SBF2: variants seen among roughly 807,000 people sequenced by gnomAD.
SBF2 encodes SET binding factor 2.
A neutral mutation model predicts 225.2 loss-of-function variants in SBF2; 112 were observed. That is an observed-to-expected ratio of 0.50 (90% CI 0.43 to 0.58). The LOEUF is 0.58. Among genes scored for constraint, SBF2 ranks in the 20% least tolerant of loss-of-function variants. SBF2 has a pLI of 0.00. For missense variants in SBF2, 1,996 were observed against 2,206.2 expected (o/e 0.90, Z 1.91); for synonymous variants, 763 against 773.3 (o/e 0.99, Z 0.22).
intron 16 of SBF2, among the ~76,000 whole-genome samples, chr11:9,942,076 T>C (rs1335346244): frequency 2.6e-5 from 4 of 152,168 alleles, no homozygotes; most frequent in Admixed American, 2.6e-4. Flanking sequence ...AGAAAAATCA[T>C]ACATGTATTT....
At chr11:9,829,671 G>C (rs934357039) in intron 27 of SBF2, 175 bp from the exon 28 acceptor site, 1 of 606,372 alleles carries the variant, frequency 1.6e-6, no homozygotes, top group South Asian at 1.9e-5. Flanking sequence ...CTATTAAATG[G>C]CTAATCCTCC....
intron 2 of SBF2, among the ~76,000 whole-genome samples, chr11:10,174,028 G>C (rs1317930087): frequency 1.3e-5 from 2 of 151,534 alleles, no homozygotes; most frequent in Admixed American, 6.6e-5. Flanking sequence ...CATCATCAAA[G>C]ACCAAAAGTA....
intron 17 of SBF2, among the ~76,000 whole-genome samples, chr11:9,882,139 C>A (rs1000637986): frequency 6.6e-6 from 1 of 152,146 alleles, no homozygotes; most frequent in African/African-American, 2.4e-5. Flanking sequence ...CAGACCAATA[C>A]AAATGTCACC....
chr11:9,976,933 C>T (rs997512069), intron 13 of SBF2, among the ~76,000 whole-genome samples: 1 of 151,930 alleles, frequency 6.6e-6, no homozygotes, highest in Non-Finnish European at 1.5e-5. Context: ...CCATGCCCAG[C>T]TAATTTTTTT....
chr11:10,298,486 G>A (rs1029171094), upstream of SBF2, among the ~76,000 whole-genome samples: 16 of 152,234 alleles, frequency 1.1e-4, no homozygotes, highest in African/African-American at 3.1e-4. Flanking sequence ...GGGCTATTGC[G>A]GAGTAAGTGG....
At chr11:10,256,944 T>C (rs1487045435) in intron 1 of SBF2, among the ~76,000 whole-genome samples, 1 of 152,232 alleles carries the variant, frequency 6.6e-6, no homozygotes, top group East Asian at 1.9e-4. Flanking sequence ...AATTATTTAT[T>C]ATAGAAGAAT....
chr11:9,828,404 G>A (rs1855189496), intron 28 of SBF2: 1 of 985,396 alleles, frequency 1.0e-6, no homozygotes, highest in Non-Finnish European at 1.2e-6. Flanking sequence ...ACACACATTT[G>A]CAAGATTATA....
chr11:9,787,019 CT>C (rs1164189804), intron 36 of SBF2, among the ~76,000 whole-genome samples: 1 of 152,120 alleles, frequency 6.6e-6, no homozygotes, highest in Non-Finnish European at 1.5e-5. Flanking sequence ...CCTCAGCCTC[CT>C]GAGTAGCTGG....
At chr11:10,155,970 G>A (rs1955456613) in intron 2 of SBF2, among the ~76,000 whole-genome samples, 2 of 152,194 alleles carry the variant, frequency 1.3e-5, no homozygotes, top group African/African-American at 2.4e-5. Flanking sequence ...AGAGCCCACG[G>A]GGGTGGGACA....
In SBF2 at chr11:10,193,929, A is replaced by G; in HGVS notation, c.114T>C (p.Asp38=). The G allele has an allele frequency of 6.2e-7, 1 of 1,612,476 alleles. No individual in the cohort carries two copies. The highest frequency in any genetic ancestry group is 8.5e-7 in the Non-Finnish European group (1 of 1,178,580). The change falls in exon 2 of 40, where the codon GAT becomes GAC. Residue 38 remains aspartate, a synonymous_variant. Transcript: ENST00000256190. Reference sequence around the variant, plus strand: ...ACTCAATTCCCTGTGGAAAAGGTGTATCATCCCAGTCCTTCTGTGGAAATC... The same window carrying G: ...ACTCAATTCCCTGTGGAAAAGGTGTGTCATCCCAGTCCTTCTGTGGAAATC... The part of the protein sequence containing the change: ...IQRFPQKDWD[D]TPFPQGIELF...
At chr11:9,864,799 T>G (rs1192528525) in intron 17 of SBF2, among the ~76,000 whole-genome samples, 1 of 152,224 alleles carries the variant, frequency 6.6e-6, no homozygotes, top group Non-Finnish European at 1.5e-5. Context: ...GTCCAGAAAT[T>G]GGTAGACATC....
chr11:9,788,586 T>A (rs1852522403), intron 35 of SBF2, among the ~76,000 whole-genome samples: 1 of 114,252 alleles, frequency 8.8e-6, no homozygotes, highest in South Asian at 2.8e-4. Context: ...CGCTGGAAAA[T>A]CACTTTTTTT....
chr11:10,304,033 G>A (rs925893423), intron 1 of SBF2, among the ~76,000 whole-genome samples: 1 of 152,156 alleles, frequency 6.6e-6, no homozygotes, highest in Non-Finnish European at 1.5e-5. Flanking sequence ...GCCGAGTAGG[G>A]ACTCTGCTGC....
At chr11:10,077,385 C>A (rs1951162265) in intron 2 of SBF2, among the ~76,000 whole-genome samples, 1 of 152,118 alleles carries the variant, frequency 6.6e-6, no homozygotes, top group Non-Finnish European at 1.5e-5. Context: ...AGGCATCATG[C>A]TACCTGACTT....
chr11:10,227,287 T>C (rs1392196455), intron 1 of SBF2, among the ~76,000 whole-genome samples: 1 of 152,234 alleles, frequency 6.6e-6, no homozygotes, highest in Non-Finnish European at 1.5e-5. Context: ...TTCACTCTGA[T>C]GGTAGTTTCT....
Position 9,856,574 on chromosome 11 carries a change from G to C in SBF2, c.2247C>G (p.His749Gln). 6.2e-7 allele frequency: 1 copy of C among 1,614,148 alleles called. No individual in the cohort carries two copies. The highest frequency in any genetic ancestry group is 8.5e-7 in the Non-Finnish European group (1 of 1,180,034). Reference protein sequence around the residue: ...EESTVFSQAIHFANLMVNLLV... With the variant: ...EESTVFSQAIQFANLMVNLLV... The stretch of plus-strand genomic sequence containing the variant: ...GCAGGTTCACCATGAGGTTTGCAAA[G>C]TGAATGGCCTGACTAAAGACAGTGC... The change falls in exon 19 of 40, where the codon CAC (histidine) becomes CAG (glutamine). Residue 749 changes from histidine to glutamine, a missense_variant. By Grantham distance (24) the His-to-Gln change is conservative (BLOSUM62 0). Transcript: ENST00000256190.
chr11:9,835,223 C>G (rs1335766383), intron 26 of SBF2, among the ~76,000 whole-genome samples: 2 of 151,996 alleles, frequency 1.3e-5, no homozygotes, highest in Non-Finnish European at 2.9e-5. Context: ...ATGCTCAAAA[C>G]CTAGGTGATA....
intron 16 of SBF2, among the ~76,000 whole-genome samples, chr11:9,933,524 T>G (rs1212833478): frequency 2.6e-5 from 4 of 152,156 alleles, no homozygotes; most frequent in African/African-American, 9.7e-5. Context: ...ACCGCTCAAC[T>G]ACATGGAAAC....
At chr11:10,191,724 A>C (rs142112476) in intron 2 of SBF2, among the ~76,000 whole-genome samples, 6 of 152,314 alleles carry the variant, frequency 3.9e-5, no homozygotes, top group Non-Finnish European at 8.8e-5. Flanking sequence ...TATTGGAGAA[A>C]CATTTATAGC....
Sources: allele counts gnomAD v4.1 joint callset (sites outside exome capture counted in the v4.1 genomes callset), GRCh38; gene constraint gnomAD v4.1.1; transcripts MANE v1.5; gene names NCBI Gene and HGNC (gene_info 2026-07-23, HGNC 2026-07-21).